Variants in DMD observed in about 807,000 individuals in gnomAD.
DMD encodes dystrophin.
DMD carries 63 observed loss-of-function variants against 330.1 expected under a neutral mutation model. The ratio of observed to expected loss-of-function variants is 0.19; its 90% confidence interval spans 0.16 to 0.24. DMD has a LOEUF of 0.24. Among genes scored for constraint, DMD ranks in the 10% least tolerant of loss-of-function variants. The pLI is 1.00. For missense variants in DMD, 3,344 were observed against 2,684.1 expected, an observed-to-expected ratio of 1.25 and a Z score of -5.43; for synonymous variants, 1,223 against 959.8, an observed-to-expected ratio of 1.27 and a Z score of -5.07.
intron 48 of DMD, among the ~76,000 whole-genome samples, chrX:31,864,210 C>G (rs956168119): frequency 9.0e-6 from 1 of 111,041 alleles, no homozygotes; most frequent in African/African-American, 3.3e-5. Flanking sequence ...AGCCCTCTTC[C>G]TTGGCTTGGC....
intron 7 of DMD, among the ~76,000 whole-genome samples, chrX:32,759,453 T>G (rs1332628386): frequency 2.7e-5 from 3 of 111,684 alleles, no homozygotes. Context: ...CTTTCCCCAC[T>G]TTCTTTCCTA....
intron 27 of DMD, among the ~76,000 whole-genome samples, chrX:32,444,881 G>A (rs990631781): frequency 1.8e-5 from 2 of 110,951 alleles, no homozygotes; most frequent in African/African-American, 6.5e-5. Flanking sequence ...ATATATTCAG[G>A]AAGGGGTGGT....
intron 53 of DMD, among the ~76,000 whole-genome samples, chrX:31,676,445 GAATAT>G (rs768270366): frequency 8.9e-6 from 1 of 112,095 alleles, no homozygotes; most frequent in African/African-American, 3.2e-5. Flanking sequence ...TTTCATCAAA[GAATAT>G]AATATGAAAT....
At chrX:31,190,545 T>C (rs1475228875) in intron 67 of DMD, among the ~76,000 whole-genome samples, 1 of 92,145 alleles carries the variant, frequency 1.1e-5, no homozygotes, top group African/African-American at 4.1e-5. Context: ...AGTGATTTCA[T>C]CCTGGTATCT....
At chrX:32,627,626 C>T (rs1039587660) in intron 11 of DMD, among the ~76,000 whole-genome samples, 1 of 110,390 alleles carries the variant, frequency 9.1e-6, no homozygotes, top group African/African-American at 3.3e-5. Flanking sequence ...AGTTTGGCTC[C>T]GGGGCCTGCT....
chrX:31,886,560 C>T (rs185465993), intron 47 of DMD, among the ~76,000 whole-genome samples: 1 of 111,808 alleles, frequency 8.9e-6, no homozygotes, highest in Non-Finnish European at 1.9e-5. Context: ...TGTTTGACTT[C>T]ACTAGGAAAA....
intron 56 of DMD, among the ~76,000 whole-genome samples, chrX:31,497,448 C>T (rs967259584): frequency 6.3e-5 from 7 of 111,636 alleles, no homozygotes; most frequent in Admixed American, 1.9e-4. Flanking sequence ...TTCCCAAATG[C>T]GTCTCCTTTC....
rs1305986467 is a variant in DMD, at chrX:32,490,889, G to A, written c.2622+388C>T. 2.7e-5 allele frequency among the ~76,000 whole-genome samples: 3 copies of A among 111,943 alleles called. No individual in the cohort carries two copies. In the Admixed American group the frequency reaches 2.9e-4, roughly 11 times the overall value. ...TAGTTATACTGCATCCAAGCTTGTT[G>A]TTGACCCGTGTTTCTAACTATTTCC... On this transcript the variant is annotated intron_variant, in intron 20 of 78. Coordinates refer to ENST00000357033, the MANE Select transcript of DMD (RefSeq NM_004006.3).
chrX:32,476,222 C>A (rs1251415212), intron 21 of DMD, among the ~76,000 whole-genome samples: 1 of 111,265 alleles, frequency 9.0e-6, no homozygotes, highest in Non-Finnish European at 1.9e-5. Context: ...TGAAACACTT[C>A]AGTCTCTGAA....
At chrX:31,257,091 G>A (rs1305216128) in intron 63 of DMD, among the ~76,000 whole-genome samples, 2 of 107,946 alleles carry the variant, frequency 1.9e-5, no homozygotes, top group East Asian at 5.9e-4. Flanking sequence ...GGGTGCAGGG[G>A]AACACCTGAA....
chrX:31,585,728 A>G (rs139557156), intron 55 of DMD, among the ~76,000 whole-genome samples: 58 of 111,007 alleles, frequency 5.2e-4, no homozygotes, highest in African/African-American at 1.9e-3. Context: ...TTGCTTTTTA[A>G]TGGTATTTTA....
intron 44 of DMD, among the ~76,000 whole-genome samples, chrX:32,019,073 T>A (rs192615129): frequency 9.0e-6 from 1 of 111,222 alleles, no homozygotes; most frequent in Non-Finnish European, 1.9e-5. Flanking sequence ...AACTTTGTTT[T>A]TCAAAGACAT....
At chrX:32,737,680 G>C (rs1413383098) in intron 7 of DMD, among the ~76,000 whole-genome samples, 1 of 111,822 alleles carries the variant, frequency 8.9e-6, no homozygotes, top group Admixed American at 9.6e-5. Context: ...CACTAAATCA[G>C]TTGATGCTGA....
At chrX:32,217,173 G>A in intron 43 of DMD, 110 bp from the exon 44 acceptor site, 1 of 766,022 alleles carries the variant, frequency 1.3e-6, no homozygotes, top group Non-Finnish European at 1.9e-6. Context: ...CACTCTGATA[G>A]TTTCCTGCAT....
In DMD at chrX:32,766,329, C is replaced by A. The variant is rs530485307; in HGVS notation, c.649+43164G>T. ...AATATTGAGTGTTCCATTTCATAAACCTGGGGTTCCTTTTCATTTATTTAT... is the reference window on the plus strand; with the variant it reads ...AATATTGAGTGTTCCATTTCATAAAACTGGGGTTCCTTTTCATTTATTTAT... On this transcript the variant is annotated intron_variant, in intron 7 of 78. Coordinates refer to ENST00000357033, the MANE Select transcript of DMD (RefSeq NM_004006.3). Among the ~76,000 whole-genome samples, 391 of 111,045 alleles carry A rather than the reference C, an allele frequency of 3.5e-3. 3 individuals carry two copies. Among genetic ancestry groups the A allele is most frequent in the African/African-American group, 0.012 (377 of 30,606 alleles).
intron 44 of DMD, among the ~76,000 whole-genome samples, chrX:32,105,191 A>T (rs941837821): frequency 1.8e-5 from 2 of 111,783 alleles, no homozygotes; most frequent in Middle Eastern, 4.6e-3. Flanking sequence ...TTCAATTCAG[A>T]GAGACCATAT....
At chrX:31,528,879 C>A (rs1441070523) in intron 55 of DMD, among the ~76,000 whole-genome samples, 1 of 111,298 alleles carries the variant, frequency 9.0e-6, no homozygotes, top group African/African-American at 3.3e-5. Flanking sequence ...GCCTGTAATC[C>A]AGGTGCTTTG....
rs139890341 is a variant in DMD, at chrX:31,778,760, G to C, written c.7310-4568C>G. 4.6e-3 allele frequency among the ~76,000 whole-genome samples: 509 copies of C among 109,484 alleles called. 2 individuals carry two copies. Among genetic ancestry groups the C allele is most frequent in the African/African-American group, 0.016 (477 of 30,042 alleles). On this transcript the variant is annotated intron_variant, in intron 50 of 78. Transcript: ENST00000357033. ...TAATTTTTTGTACTTTAGTGGAGAC[G>C]GGGTTTCACCATGTTGGCCAGGATG...
chrX:32,524,703 T>G (rs1033715844), intron 17 of DMD, among the ~76,000 whole-genome samples: 1 of 112,241 alleles, frequency 8.9e-6, no homozygotes, highest in African/African-American at 3.2e-5. Context: ...TGGCACGTAG[T>G]TCTGATAATT....
Sources: gnomAD v4.1 joint callset for allele counts (sites outside exome capture counted in the v4.1 genomes callset) on GRCh38, gnomAD v4.1.1 for gene constraint, MANE v1.5 for transcripts, NCBI Gene and HGNC (gene_info 2026-07-23, HGNC 2026-07-21) for gene names.